IKZF1: variants seen among roughly 807,000 people sequenced by gnomAD.
IKZF1 encodes IKAROS family zinc finger 1.
IKZF1 carries 10 observed loss-of-function variants against 51.7 expected under a neutral mutation model. The ratio of observed to expected loss-of-function variants is 0.19; its 90% CI spans 0.12 to 0.33. The LOEUF is 0.33. Among genes scored for constraint, IKZF1 ranks in the 10% least tolerant of loss-of-function variants. The probability of loss-of-function intolerance (pLI) is 1.00; values close to 1 mark genes in which losing one functional copy is unlikely to be tolerated. For synonymous variants in IKZF1, 280 were observed against 282.3 expected (o/e 0.99, Z 0.08); for missense variants, 484 against 707.5 (o/e 0.68, Z 3.58).
chr7:50,350,324 G>A (rs1801530975), intron 3 of IKZF1, among the ~76,000 whole-genome samples: 1 of 152,216 alleles, frequency 6.6e-6, no homozygotes, highest in Admixed American at 6.5e-5. Flanking sequence ...TGTTTCTCAA[G>A]AAGCCTGTAC....
intron 1 of IKZF1, among the ~76,000 whole-genome samples, chr7:50,316,554 T>A (rs1791593634): frequency 6.6e-6 from 1 of 152,240 alleles, no homozygotes; most frequent in Non-Finnish European, 1.5e-5. Flanking sequence ...TGTGATCTGC[T>A]GCCCACCCCT....
chr7:50,391,697 T>C (rs1256094929), intron 6 of IKZF1, 32 bp from the exon 7 acceptor site: 4 of 1,612,338 alleles, frequency 2.5e-6, no homozygotes, highest in African/African-American at 2.7e-5. Context: ...ACATAAGCCT[T>C]TCTAAACTGG....
At chr7:50,388,820 T>C (rs945521949) in intron 6 of IKZF1, among the ~76,000 whole-genome samples, 2 of 152,178 alleles carry the variant, frequency 1.3e-5, no homozygotes, top group Non-Finnish European at 2.9e-5. Context: ...CTGTAAAAAA[T>C]AAGTGAATGG....
At chr7:50,346,324 AC>A (rs1288921492) in intron 3 of IKZF1, among the ~76,000 whole-genome samples, 5 of 152,316 alleles carry the variant, frequency 3.3e-5, no homozygotes, top group African/African-American at 7.2e-5. Flanking sequence ...GAGGCAGCCC[AC>A]TTACGGAAGC....
chr7:50,340,906 G>C (rs1006262867), intron 3 of IKZF1, among the ~76,000 whole-genome samples: 1 of 152,126 alleles, frequency 6.6e-6, no homozygotes, highest in African/African-American at 2.4e-5. Context: ...CACTGTAAAG[G>C]CTGCATTTAC....
chr7:50,318,323 G>A lies in IKZF1; in HGVS notation c.-14-725G>A, dbSNP rs55937525. 512 of 223,172 alleles carry A rather than the reference G, an allele frequency of 2.3e-3. 2 individuals carry two copies. Among genetic ancestry groups the A allele is most frequent in the African/African-American group, 0.011 (475 of 44,266 alleles). The allele number at this position is 223,172 out of a possible 1,614,324, so 13.8% of individuals were successfully genotyped here. The stretch of plus-strand genomic sequence containing the variant: ...TTCTTTTTTTTTTTTAATTTAAACC[G>A]ATCTGAGAAGCCAGCCATCTGTCAG... On this transcript the variant is annotated intron_variant, in intron 1 of 7. Coordinates refer to ENST00000331340, the MANE Select transcript of IKZF1 (RefSeq NM_006060.6).
At chr7:50,338,235 T>G (rs1798245025) in intron 3 of IKZF1, among the ~76,000 whole-genome samples, 1 of 152,260 alleles carries the variant, frequency 6.6e-6, no homozygotes, top group Non-Finnish European at 1.5e-5. Context: ...AAACCAATGT[T>G]AATCTTCATT....
chr7:50,327,636 A>G lies in IKZF1; in HGVS notation c.41-2A>G, dbSNP rs2153384528. 1 of 1,609,398 alleles carries G rather than the reference A, an allele frequency of 6.2e-7. No homozygotes were observed. The highest frequency in any genetic ancestry group is 8.5e-7 in the Non-Finnish European group (1 of 1,177,702). On this transcript the variant is annotated splice_acceptor_variant, in intron 2 of 7. Transcript: ENST00000331340. LOFTEE classifies it high-confidence loss of function. ...AGACTCACACTTCTTCTTTCTCATC[A>G]GGGAAGGAAAGCCCCCCTGTAAGCG...
intron 3 of IKZF1, among the ~76,000 whole-genome samples, chr7:50,365,470 T>G (rs779233184): frequency 1.3e-5 from 2 of 152,214 alleles, no homozygotes; most frequent in Admixed American, 1.3e-4. Flanking sequence ...GAAACGTGAT[T>G]GACATTCAAC....
At chr7:50,391,942 G>A in intron 7 of IKZF1, 79 bp downstream of exon 7, 2 of 1,429,880 alleles carry the variant, frequency 1.4e-6, no homozygotes, top group East Asian at 2.5e-5. Context: ...AGTTGAGGGT[G>A]GAAGAAAGGG....
intron 3 of IKZF1, among the ~76,000 whole-genome samples, chr7:50,356,152 A>G (rs1023654854): frequency 1.3e-5 from 2 of 152,196 alleles, no homozygotes; most frequent in Non-Finnish European, 2.9e-5. Context: ...TTTCTTTTCC[A>G]TTAGTCCACT....
At chr7:50,395,229 A>G (rs768225573) in intron 7 of IKZF1, among the ~76,000 whole-genome samples, 172 of 152,336 alleles carry the variant, frequency 1.1e-3, no homozygotes, top group Non-Finnish European at 2.1e-3. Context: ...GGATAGGCTG[A>G]TGAATTAGGT....
intron 1 of IKZF1, among the ~76,000 whole-genome samples, chr7:50,310,274 A>C (rs1021348267): frequency 1.1e-4 from 16 of 152,236 alleles, no homozygotes; most frequent in African/African-American, 3.6e-4. Context: ...TGTTTTGTTA[A>C]AGAAATGAAA....
chr7:50,382,478 G>A, intron 4 of IKZF1, 62 bp from the exon 5 acceptor site: 3 of 1,529,328 alleles, frequency 2.0e-6, no homozygotes, highest in Non-Finnish European at 2.7e-6. Flanking sequence ...CTTTCTCGTA[G>A]CATCGTCCTC....
rs1290194594 is a variant in IKZF1 at position 50,404,522 on chromosome 7, A to G, written c.*3895A>G. On this transcript the variant is annotated 3_prime_UTR_variant, in exon 8 of 8. Transcript: ENST00000331340. Reference sequence around the variant, plus strand: ...TCTGCCTAGACTTTCTCCCAATGAGATCCCAATATGAGAGGGAGAAGAGAT... The same window carrying G: ...TCTGCCTAGACTTTCTCCCAATGAGGTCCCAATATGAGAGGGAGAAGAGAT... 3 of 229,552 alleles carry G rather than the reference A, an allele frequency of 1.3e-5. No individual in the cohort carries two copies. The highest frequency in any genetic ancestry group is 2.6e-5 in the Non-Finnish European group (3 of 115,740). The allele number at this position is 229,552 out of a possible 1,614,324, so 14.2% of individuals were successfully genotyped here.
chr7:50,311,963 CA>C (rs571166131), intron 1 of IKZF1, among the ~76,000 whole-genome samples: 4 of 151,854 alleles, frequency 2.6e-5, no homozygotes, highest in African/African-American at 9.7e-5. Flanking sequence ...AGTAAATTAC[CA>C]AAAAAATAAT....
chr7:50,336,940 G>A (rs1797931100), intron 3 of IKZF1, among the ~76,000 whole-genome samples: 1 of 152,206 alleles, frequency 6.6e-6, no homozygotes, highest in Non-Finnish European at 1.5e-5. Context: ...TAAGAGAGGA[G>A]CAAAGAAGGA....
At chr7:50,333,581 A>G (rs1279542772) in intron 3 of IKZF1, among the ~76,000 whole-genome samples, 1 of 152,252 alleles carries the variant, frequency 6.6e-6, no homozygotes, top group Non-Finnish European at 1.5e-5. Flanking sequence ...ATCTAGCAGC[A>G]TCTGAGCATT....
intron 3 of IKZF1, among the ~76,000 whole-genome samples, chr7:50,343,789 A>G (rs1218781119): frequency 2.0e-5 from 3 of 152,304 alleles, no homozygotes; most frequent in East Asian, 1.9e-4. Context: ...CATCACTCAC[A>G]TTTATTTTGC....
Sources: gnomAD v4.1 joint callset for allele counts (sites outside exome capture counted in the v4.1 genomes callset) on GRCh38, gnomAD v4.1.1 for gene constraint, MANE v1.5 for transcripts, NCBI Gene and HGNC (gene_info 2026-07-23, HGNC 2026-07-21) for gene names.